Variants in DCAF8L2 observed in about 807,000 individuals in gnomAD.
DCAF8L2 encodes DDB1 and CUL4 associated factor 8 like 2, also known as DDB1- and CUL4-associated factor 8-like protein 2.
For synonymous variants in DCAF8L2, 200 were observed against 190.9 expected (o/e 1.05, Z -0.39); for missense variants, 430 against 490.7 (o/e 0.88, Z 1.17).
At chrX:27,587,634 G>A (rs906778317), upstream of DCAF8L2, among the ~76,000 whole-genome samples, 1 of 111,313 alleles carries the variant, frequency 9.0e-6, no homozygotes, top group Non-Finnish European at 1.9e-5. Context: ...AACACTCAGG[G>A]ATCCAAAATT....
intron 1 of DCAF8L2, among the ~76,000 whole-genome samples, chrX:27,607,471 G>A (rs1340416666): frequency 9.0e-6 from 1 of 111,359 alleles, no homozygotes; most frequent in East Asian, 2.8e-4. Context: ...TAGTCTCAGT[G>A]GTTGTCATTA....
At chrX:27,734,164 T>C (rs933292821) in intron 4 of DCAF8L2, among the ~76,000 whole-genome samples, 5 of 110,459 alleles carry the variant, frequency 4.5e-5, no homozygotes, top group Non-Finnish European at 9.4e-5. Context: ...CTATTCAACA[T>C]AGTACTGAAA....
intron 1 of DCAF8L2, among the ~76,000 whole-genome samples, chrX:27,592,467 G>A (rs1234747449): frequency 3.1e-5 from 3 of 98,349 alleles, no homozygotes; most frequent in Non-Finnish European, 6.1e-5. Context: ...ACAGAGTTTC[G>A]CTCTTGTTGC....
chrX:27,474,240 C>T, the DCAF8L2 span, among the ~76,000 whole-genome samples: 1 of 111,717 alleles, frequency 9.0e-6, no homozygotes, highest in Non-Finnish European at 1.9e-5. Flanking sequence ...AAGTACATTG[C>T]AAAAAGTGCA....
the DCAF8L2 span, among the ~76,000 whole-genome samples, chrX:27,513,164 C>T: frequency 2.7e-5 from 3 of 111,536 alleles, no homozygotes; most frequent in Non-Finnish European, 5.6e-5. Context: ...AGAGGAAACT[C>T]TTCATGAAAT....
the DCAF8L2 span, among the ~76,000 whole-genome samples, chrX:27,572,351 CAA>C: frequency 3.6e-5 from 4 of 111,609 alleles, no homozygotes; most frequent in Non-Finnish European, 7.5e-5. Flanking sequence ...CGGGAAAGAC[CAA>C]AATGCTAAAC....
intron 4 of DCAF8L2, among the ~76,000 whole-genome samples, chrX:27,718,014 ACAT>A (rs1420327339): frequency 8.9e-6 from 1 of 112,268 alleles, no homozygotes; most frequent in Admixed American, 9.5e-5. Flanking sequence ...GTTATAATTA[ACAT>A]CATTTTTCCT....
intron 3 of DCAF8L2, among the ~76,000 whole-genome samples, chrX:27,692,932 A>C (rs1320960644): frequency 9.0e-6 from 1 of 111,567 alleles, no homozygotes; most frequent in African/African-American, 3.3e-5. Flanking sequence ...GCTGAAACTG[A>C]GAAAGCTTGC....
At chrX:27,509,278 A>T in the DCAF8L2 span, among the ~76,000 whole-genome samples, 1 of 111,427 alleles carries the variant, frequency 9.0e-6, no homozygotes. Context: ...TACCTGTGTG[A>T]CTACCATGGA....
chrX:27,704,082 T>G, intron 3 of DCAF8L2, among the ~76,000 whole-genome samples: 1 of 103,390 alleles, frequency 9.7e-6, no homozygotes, highest in Middle Eastern at 5.1e-3. Context: ...TATGTATAAA[T>G]CAAGATACAC....
chrX:27,699,962 G>A (rs1931068967), intron 3 of DCAF8L2, among the ~76,000 whole-genome samples: 2 of 111,209 alleles, frequency 1.8e-5, no homozygotes, highest in African/African-American at 3.3e-5. Flanking sequence ...TTGAGCCTAG[G>A]AGTTCAACAT....
At chrX:27,648,693 T>C (rs145076008) in intron 2 of DCAF8L2, among the ~76,000 whole-genome samples, 51 of 110,967 alleles carry the variant, frequency 4.6e-4, no homozygotes, top group African/African-American at 1.4e-3. Flanking sequence ...TTTCAGTTGA[T>C]TGGACACAGT....
At chrX:27,607,285 T>A (rs140323530) in intron 1 of DCAF8L2, among the ~76,000 whole-genome samples, 19 of 112,189 alleles carry the variant, frequency 1.7e-4, no homozygotes, top group African/African-American at 6.1e-4. Context: ...GGTTCTTATG[T>A]CTTGGATAAA....
the DCAF8L2 span, among the ~76,000 whole-genome samples, chrX:27,562,559 T>C: frequency 8.9e-6 from 1 of 112,123 alleles, no homozygotes; most frequent in East Asian, 2.8e-4. Flanking sequence ...ACAAAATATT[T>C]ATTAGGAATC....
intron 1 of DCAF8L2, chrX:27,627,359 G>A (rs1378055159): frequency 1.8e-5 from 2 of 110,139 alleles, no homozygotes; most frequent in Non-Finnish European, 3.8e-5. Context: ...CAGCTTTACT[G>A]AAGTATAATT....
At chrX:27,541,273 T>C in the DCAF8L2 span, among the ~76,000 whole-genome samples, 3 of 111,945 alleles carry the variant, frequency 2.7e-5, no homozygotes, top group Non-Finnish European at 3.8e-5. Context: ...GCTAACAGAC[T>C]GAGTGGGGAA....
upstream of DCAF8L2, among the ~76,000 whole-genome samples, chrX:27,589,155 A>G (rs775704186): frequency 3.6e-5 from 4 of 111,644 alleles, no homozygotes; most frequent in Non-Finnish European, 7.5e-5. Flanking sequence ...ACCAAAGATT[A>G]TGGTTGGTTC....
At chrX:27,499,866 A>G in the DCAF8L2 span, among the ~76,000 whole-genome samples, 1 of 110,999 alleles carries the variant, frequency 9.0e-6, no homozygotes, top group African/African-American at 3.3e-5. Context: ...AACCATATCA[A>G]TCCCTTATTA....
At chrX:27,629,474 T>A (rs1488473615) in intron 1 of DCAF8L2, among the ~76,000 whole-genome samples, 4 of 109,815 alleles carry the variant, frequency 3.6e-5, no homozygotes, top group Non-Finnish European at 7.6e-5. Context: ...TTTCTTTCTT[T>A]CTTTCTCCCT....
Sources: gnomAD v4.1 joint callset for allele counts (sites outside exome capture counted in the v4.1 genomes callset) on GRCh38, gnomAD v4.1.1 for gene constraint, MANE v1.5 for transcripts, NCBI Gene and HGNC (gene_info 2026-07-23, HGNC 2026-07-21) for gene names.